PTPRJ: variants seen among roughly 807,000 people sequenced by gnomAD.
The protein encoded by PTPRJ is protein tyrosine phosphatase receptor type J.
PTPRJ carries 129 observed loss-of-function variants against 141.3 expected under a neutral mutation model. The observed-to-expected ratio is 0.91, with a 90% CI of 0.79 to 1.06. The LOEUF is 1.06. Ranked by LOEUF, PTPRJ falls within the 50% of genes least tolerant of loss-of-function variation. The probability of loss-of-function intolerance (pLI) is 0.00; values close to 1 mark genes in which losing one functional copy is unlikely to be tolerated. For missense variants in PTPRJ, 1,601 were observed against 1,679.7 expected (o/e 0.95, Z 0.82); for synonymous variants, 610 against 640.5 (o/e 0.95, Z 0.72).
chr11:48,008,984 C>G (rs1204377694), intron 1 of PTPRJ, among the ~76,000 whole-genome samples: 1 of 152,196 alleles, frequency 6.6e-6, no homozygotes, highest in African/African-American at 2.4e-5. Context: ...TATAATAAAA[C>G]TTGCTGATAT....
At chr11:48,039,680 C>T (rs1455592861) in intron 1 of PTPRJ, among the ~76,000 whole-genome samples, 35 of 152,124 alleles carry the variant, frequency 2.3e-4, no homozygotes, top group Admixed American at 2.3e-3. Context: ...TTTCACCCCT[C>T]ACCCCTCTTA....
intron 2 of PTPRJ, among the ~76,000 whole-genome samples, chr11:48,110,519 G>A (rs528734264): frequency 6.6e-6 from 1 of 152,290 alleles, no homozygotes; most frequent in East Asian, 1.9e-4. Context: ...TTTAGAAGTA[G>A]GAGTGAGGGT....
chr11:48,059,638 A>G (rs1258881039), intron 1 of PTPRJ, among the ~76,000 whole-genome samples: 1 of 152,214 alleles, frequency 6.6e-6, no homozygotes, highest in African/African-American at 2.4e-5. Context: ...AGCAAGACAC[A>G]TCATTCCTGC....
At chr11:48,045,801 G>A (rs913566734) in intron 1 of PTPRJ, among the ~76,000 whole-genome samples, 1 of 152,138 alleles carries the variant, frequency 6.6e-6, no homozygotes, top group African/African-American at 2.4e-5. Context: ...CTGCCAGTGG[G>A]GTGAGGGCCT....
In PTPRJ at chr11:48,125,074, C is replaced by CA; in HGVS notation, c.982dup (p.Thr328AsnfsTer44). ...CATCCTCCGGCCAGCAGTCCCGAGA[C>CA]ACGGAAGTCCTGCTTGTCGGGTTAG... On this transcript the variant is annotated frameshift_variant, in exon 6 of 25. Coordinates refer to ENST00000418331, the MANE Select transcript of PTPRJ (RefSeq NM_002843.4). LOFTEE classifies it high-confidence loss of function. The CA allele has an allele frequency of 6.2e-7, 1 of 1,614,100 alleles. No homozygotes were observed. Among genetic ancestry groups the CA allele is most frequent in the Non-Finnish European group, 8.5e-7 (1 of 1,180,022 alleles).
chr11:48,071,474 G>A (rs1301385369), intron 1 of PTPRJ, among the ~76,000 whole-genome samples: 3 of 151,276 alleles, frequency 2.0e-5, no homozygotes, highest in East Asian at 1.9e-4. Flanking sequence ...CTGCCACCAC[G>A]CCCGGCTAAT....
intron 1 of PTPRJ, among the ~76,000 whole-genome samples, chr11:48,035,538 CTTTTTTTTT>C (rs66504227): frequency 1.3e-4 from 8 of 61,740 alleles, no homozygotes; most frequent in South Asian, 8.7e-4. Flanking sequence ...CTTTCTTCTT[CTTTTTTTTT>C]TTTTTTTTTT....
chr11:48,148,244 G>A (rs1338971560), intron 15 of PTPRJ, among the ~76,000 whole-genome samples: 1 of 152,076 alleles, frequency 6.6e-6, no homozygotes. Flanking sequence ...ACATGCTTAT[G>A]GCAAAAAATA....
chr11:48,092,294 CAAA>C (rs3971621), intron 1 of PTPRJ, among the ~76,000 whole-genome samples: 6 of 46,956 alleles, frequency 1.3e-4, no homozygotes, highest in African/African-American at 2.2e-4. Flanking sequence ...GATTTCATCT[CAAA>C]AAAAAAAAAA....
intron 11 of PTPRJ, among the ~76,000 whole-genome samples, chr11:48,141,281 T>C (rs1378104500): frequency 6.6e-6 from 1 of 152,052 alleles, no homozygotes; most frequent in Non-Finnish European, 1.5e-5. Context: ...TTTAATTCAG[T>C]GTGTTCTTTC....
rs1445037975 is a variant in PTPRJ at position 48,164,360 on chromosome 11, T to G, written c.3720-20T>G. 2 of 1,612,770 alleles carry G rather than the reference T, an allele frequency of 1.2e-6. No homozygotes were observed. Among genetic ancestry groups the G allele is most frequent in the African/African-American group, 2.7e-5 (2 of 74,968 alleles). On this transcript the variant is annotated intron_variant, in intron 23 of 24. Transcript: ENST00000418331. ...GTCGAGGGAACCCACTGTAATAGGC[T>G]TATTTCTCTTTTCTCTCAGTGCTGG...
chr11:48,154,641 G>A lies in PTPRJ; in HGVS notation c.3229+755G>A, dbSNP rs527625765. Among the ~76,000 whole-genome samples the A allele has an allele frequency of 7.2e-5, 11 of 152,284 alleles. No homozygotes were observed. In the East Asian group the frequency reaches 1.7e-3, roughly 24 times the overall value. ...TTGCAGATAATTTTTACATCAGGAC[G>A]TCATCATCTTTATTCGAAGCCGTGT... On this transcript the variant is annotated intron_variant, in intron 19 of 24. Coordinates refer to ENST00000418331, the MANE Select transcript of PTPRJ (RefSeq NM_002843.4).
At chr11:48,069,852 T>C (rs2134271187) in intron 1 of PTPRJ, among the ~76,000 whole-genome samples, 1 of 152,338 alleles carries the variant, frequency 6.6e-6, no homozygotes, top group African/African-American at 2.4e-5. Context: ...AAGTCACCAT[T>C]AAATATGCCA....
In PTPRJ at chr11:47,980,606, G is replaced by GAGCCGGGACCGGGT. The variant is rs1410498184; in HGVS notation, c.-301_-288dup. On this transcript the variant is annotated 5_prime_UTR_variant, in exon 1 of 25. An upstream open reading frame in the 5' UTR gains an earlier in-frame stop. Coordinates refer to ENST00000418331, the MANE Select transcript of PTPRJ (RefSeq NM_002843.4). ...GAGGAGGCAGCGGGAGCAGCCGCGG[G>GAGCCGGGACCGGGT]AGCCGGGACCGGGTAGCCGCGCGCT... is the stretch of plus-strand genomic sequence containing the variant. 6 of 983,334 alleles carry GAGCCGGGACCGGGT rather than the reference G, an allele frequency of 6.1e-6. No homozygotes were observed. The highest frequency in any genetic ancestry group is 3.5e-5 in the African/African-American group (2 of 56,928). The allele number at this position is 983,334 out of a possible 1,614,324, so 60.9% of individuals were successfully genotyped here. A position where few individuals can be genotyped will look rare whatever the true frequency, so the allele number is the denominator to read the frequency against.
chr11:48,110,043 C>T lies in PTPRJ; in HGVS notation c.97-15C>T, dbSNP rs753292497. 2 of 1,613,844 alleles carry T rather than the reference C, an allele frequency of 1.2e-6. No individual in the cohort carries two copies. The highest frequency in any genetic ancestry group is 1.7e-6 in the Non-Finnish European group (2 of 1,179,804). On this transcript the variant is annotated splice_polypyrimidine_tract_variant and intron_variant, in intron 1 of 24. Coordinates refer to ENST00000418331, the MANE Select transcript of PTPRJ (RefSeq NM_002843.4). ...GAATGAATCTGCTGACTTCCGTTTTCTTTTTCTGTTTCAGATCCTGTGCGC... is the reference window on the plus strand; with the variant it reads ...GAATGAATCTGCTGACTTCCGTTTTTTTTTTCTGTTTCAGATCCTGTGCGC...
intron 9 of PTPRJ, 100 bp from the exon 10 acceptor site, chr11:48,136,902 TC>T: frequency 8.1e-7 from 1 of 1,230,890 alleles, no homozygotes. Flanking sequence ...TTTTATTCAT[TC>T]TTTCTAAAAC....
intron 1 of PTPRJ, among the ~76,000 whole-genome samples, chr11:48,033,846 G>A (rs1163484290): frequency 6.6e-6 from 1 of 152,208 alleles, no homozygotes; most frequent in Non-Finnish European, 1.5e-5. Flanking sequence ...GACACCTACC[G>A]GAAGTCTTTG....
intron 1 of PTPRJ, among the ~76,000 whole-genome samples, chr11:48,062,351 A>C (rs1232554146): frequency 6.6e-6 from 1 of 152,074 alleles, no homozygotes. Context: ...GTCTCTACTA[A>C]AAATACAAAT....
chr11:48,138,361 T>C (rs1411075619), intron 10 of PTPRJ, among the ~76,000 whole-genome samples: 1 of 152,198 alleles, frequency 6.6e-6, no homozygotes, highest in Non-Finnish European at 1.5e-5. Context: ...AAAAACTGTA[T>C]CTGAGCATTT....
Sources: gnomAD v4.1 joint callset for allele counts (sites outside exome capture counted in the v4.1 genomes callset) on GRCh38, gnomAD v4.1.1 for gene constraint, MANE v1.5 for transcripts, NCBI Gene and HGNC (gene_info 2026-07-23, HGNC 2026-07-21) for gene names.